The following LACTB variants were observed in gnomAD, a reference collection of about 807,000 sequenced individuals.
The protein encoded by LACTB is lactamase beta, also known as serine beta-lactamase-like protein LACTB, mitochondrial.
LACTB carries 35 observed loss-of-function variants against 50.2 expected under a neutral mutation model. The ratio of observed to expected loss-of-function variants is 0.70; its 90% CI spans 0.53 to 0.92. The LOEUF (loss-of-function observed/expected upper bound fraction) is 0.92, where lower values mean the gene tolerates loss of function less well. Ranked by LOEUF, LACTB falls within the 40% of genes least tolerant of loss-of-function variation. LACTB has a pLI of 0.00. For missense variants in LACTB, 664 were observed against 691.8 expected, an observed-to-expected ratio of 0.96 and a Z score of 0.45; for synonymous variants, 252 against 268.2, an observed-to-expected ratio of 0.94 and a Z score of 0.59.
In LACTB at chr15:63,141,459, G is replaced by A. The variant is rs777253275; in HGVS notation, c.1298G>A (p.Gly433Glu). The change falls in exon 6 of 6, where the codon GGA becomes GAA. Residue 433 changes from glycine to glutamate, a missense_variant. Coordinates refer to ENST00000261893, the MANE Select transcript of LACTB (RefSeq NM_032857.5). ...FKNSNENLLP[G>E]YLKPETMVMM... Reference sequence around the variant, plus strand: ...AACTCAAATGAAAATCTTTTACCTGGATACCTCAAACCAGAAACAATGGTT... The same window carrying A: ...AACTCAAATGAAAATCTTTTACCTGAATACCTCAAACCAGAAACAATGGTT... 6.2e-7 allele frequency: 1 copy of A among 1,614,148 alleles called. No homozygotes were observed. The highest frequency in any genetic ancestry group is 8.5e-7 in the Non-Finnish European group (1 of 1,180,034).
chr15:63,135,948 T>TA lies in LACTB; in HGVS notation c.1119-5331dup, dbSNP rs538488182. On this transcript the variant is annotated intron_variant, in intron 5 of 5. Transcript: ENST00000261893. The stretch of plus-strand genomic sequence containing the variant: ...GTGAATGTGCAGACTGCAGAGCAGC[T>TA]ATTATTTCCTGTTTTCTTGATGAGT... Among the ~76,000 whole-genome samples, 348 of 152,332 alleles carry TA rather than the reference T, an allele frequency of 2.3e-3. 2 individuals carry two copies. The highest frequency in any genetic ancestry group is 8.1e-3 in the African/African-American group (338 of 41,578).
In LACTB at chr15:63,121,972, C is replaced by T. The variant is rs779768860; in HGVS notation, c.101C>T (p.Pro34Leu). 4 of 1,372,298 alleles carry T rather than the reference C, an allele frequency of 2.9e-6. 1 individual carries two copies. The highest frequency in any genetic ancestry group is 3.7e-6 in the Non-Finnish European group (4 of 1,071,308). 85.0% of individuals were successfully genotyped at this position (1,372,298 alleles called of 1,614,324 possible). ...RRGVHQRAGL[P>L]PLGHGWVGGL... Reference sequence around the variant, plus strand: ...GGGGTCCATCAGCGCGCCGGGCTGCCGCCTCTCGGCCACGGCTGGGTCGGG... The same window carrying T: ...GGGGTCCATCAGCGCGCCGGGCTGCTGCCTCTCGGCCACGGCTGGGTCGGG... Residue 34 changes from proline to leucine, a missense_variant, in exon 1 of 6, where the codon CCG becomes CTG. Physicochemically the swap from Pro to Leu is moderately conservative, Grantham distance 98. Transcript: ENST00000261893.
intron 5 of LACTB, chr15:63,130,515 G>GAAAAAAAAAAAAAAAAAAAAAAAAA (rs34509023): frequency 3.3e-5 from 3 of 90,850 alleles, no homozygotes; most frequent in African/African-American, 3.7e-5. Context: ...GTCAAAAAAG[G>GAAAAAAAAAAAAAAAAAAAAAAAAA]AAAAAAAAAA....
intron 1 of LACTB, 27 bp from the exon 2 acceptor site, chr15:63,122,609 T>A (rs770507752): frequency 6.3e-7 from 1 of 1,585,516 alleles, no homozygotes; most frequent in Non-Finnish European, 8.7e-7. Context: ...GGCCCGTAAC[T>A]GTCGGTTCTT....
At position 63,122,156 on chromosome 15, in the gene LACTB, C is replaced by G. The variant is rs754428669; in HGVS notation, c.285C>G (p.Thr95=). 1.3e-6 allele frequency: 2 copies of G among 1,514,706 alleles called. No homozygotes were observed. The highest frequency in any genetic ancestry group is 2.4e-5 in the South Asian group (2 of 82,646). The allele number at this position is 1,514,706 out of a possible 1,614,324, so 93.8% of individuals were successfully genotyped here. The change falls in exon 1 of 6, where the codon ACC becomes ACG. Residue 95 remains threonine, a synonymous_variant. Coordinates refer to ENST00000261893, the MANE Select transcript of LACTB (RefSeq NM_032857.5). ...EQSLAPWSPQ[T]PAPPCSRCFA... ...CCCTCGCCCCGTGGTCTCCGCAGAC[C>G]CCGGCGCCGCCCTGCTCCAGGTGCT...
In LACTB at chr15:63,122,052, A is replaced by G. The variant is rs1455519051; in HGVS notation, c.181A>G (p.Arg61Gly). ...ALGVKLAGGL[R>G]GAAPAQSPAA... Reference sequence around the variant, plus strand: ...CGGGGTGAAGCTGGCAGGTGGGCTGAGGGGCGCGGCCCCGGCGCAGTCCCC... The same window carrying G: ...CGGGGTGAAGCTGGCAGGTGGGCTGGGGGGCGCGGCCCCGGCGCAGTCCCC... The change falls in exon 1 of 6, where the codon AGG (arginine) becomes GGG (glycine). Residue 61 changes from arginine (R) to glycine (G), a missense_variant. By Grantham distance (125) the Arg-to-Gly change is moderately radical. Coordinates refer to ENST00000261893, the MANE Select transcript of LACTB (RefSeq NM_032857.5). The G allele has an allele frequency of 1.4e-6, 2 of 1,427,302 alleles. No individual in the cohort carries two copies. The highest frequency in any genetic ancestry group is 3.0e-5 in the East Asian group (1 of 33,096). The allele number at this position is 1,427,302 out of a possible 1,614,324, so 88.4% of individuals were successfully genotyped here. A position where few individuals can be genotyped will look rare whatever the true frequency, so the allele number is the denominator to read the frequency against.
chr15:63,122,631 C>G lies in LACTB; in HGVS notation c.358-5C>G, dbSNP rs1354058198. On this transcript the variant is annotated splice_polypyrimidine_tract_variant and splice_region_variant and intron_variant, in intron 1 of 5. Coordinates refer to ENST00000261893, the MANE Select transcript of LACTB (RefSeq NM_032857.5). ...AACTGTCGGTTCTTTCCCCTTCGGT[C>G]TTAGGATGAGGTGGGCGCACCGGGC... 2 of 1,611,836 alleles carry G rather than the reference C, an allele frequency of 1.2e-6. No homozygotes were observed. Among genetic ancestry groups the G allele is most frequent in the East Asian group, 2.2e-5 (1 of 44,860 alleles).
intron 5 of LACTB, among the ~76,000 whole-genome samples, chr15:63,133,319 A>G (rs888656343): frequency 6.6e-6 from 1 of 152,162 alleles, no homozygotes; most frequent in Non-Finnish European, 1.5e-5. Flanking sequence ...ACTAATTTAC[A>G]TAATCTAAAA....
chr15:63,127,728 C>T, intron 4 of LACTB, 39 bp downstream of exon 4: 1 of 1,328,662 alleles, frequency 7.5e-7, no homozygotes, highest in South Asian at 1.4e-5. Flanking sequence ...ATCATCATTA[C>T]TGAAATGTTA....
rs2037073764 is a variant in LACTB at position 63,127,771 on chromosome 15, A to G, written c.952+82A>G. ...GGAAATCCAAAATGATACCATCCGG[A>G]GTGCATTCATTGAGGTTGATGATTG... On this transcript the variant is annotated intron_variant, in intron 4 of 5. Transcript: ENST00000261893. 38 of 959,204 alleles carry G rather than the reference A, an allele frequency of 4.0e-5. No homozygotes were observed. The South Asian group carries it at 5.4e-4, about 14-fold the overall frequency. 59.4% of individuals were successfully genotyped at this position (959,204 alleles called of 1,614,324 possible).
In LACTB at chr15:63,141,869, A is replaced by C; in HGVS notation, c.*64A>C. ...GGTTTTTTTGAAACATTAAAGTTCC[A>C]AAACATGACATTTTTAAGAATAAAT... is the stretch of plus-strand genomic sequence containing the variant. On this transcript the variant is annotated 3_prime_UTR_variant, in exon 6 of 6. Transcript: ENST00000261893. 7.5e-7 allele frequency: 1 copy of C among 1,339,746 alleles called. No individual in the cohort carries two copies. Among genetic ancestry groups the C allele is most frequent in the Non-Finnish European group, 1.0e-6 (1 of 978,410 alleles). The allele number at this position is 1,339,746 out of a possible 1,614,324, so 83.0% of individuals were successfully genotyped here.
Position 63,129,666 on chromosome 15 carries a change from C to A in LACTB, c.1118+16C>A. 1 of 1,569,630 alleles carries A rather than the reference C, an allele frequency of 6.4e-7. No homozygotes were observed. The highest frequency in any genetic ancestry group is 8.6e-7 in the Non-Finnish European group (1 of 1,156,734). ...ATAGAGCAAGGTAAATGAATACCTTCTGCTGTGTCTAGCTATATCGCATCT... is the reference window on the plus strand; with the variant it reads ...ATAGAGCAAGGTAAATGAATACCTTATGCTGTGTCTAGCTATATCGCATCT... On this transcript the variant is annotated intron_variant, in intron 5 of 5. Transcript: ENST00000261893.
chr15:63,122,095 A>G lies in LACTB; in HGVS notation c.224A>G (p.Glu75Gly). 1 of 1,469,810 alleles carries G rather than the reference A, an allele frequency of 6.8e-7. No individual in the cohort carries two copies. The highest frequency in any genetic ancestry group is 8.9e-7 in the Non-Finnish European group (1 of 1,118,920). 91.0% of individuals were successfully genotyped at this position (1,469,810 alleles called of 1,614,324 possible). A position where few individuals can be genotyped will look rare whatever the true frequency, so the allele number is the denominator to read the frequency against. ...CAGTCCCCCGCGGCCCCCGACCCTG[A>G]GGCGTCGCCTCTGGCCGAGCCGCCA... ...PAQSPAAPDP[E>G]ASPLAEPPQE... The change falls in exon 1 of 6, where the codon GAG becomes GGG. Residue 75 changes from glutamate to glycine, a missense_variant. Glu to Gly is a moderately conservative substitution (Grantham distance 98). Transcript: ENST00000261893.
chr15:63,133,276 T>G (rs944716959), intron 5 of LACTB, among the ~76,000 whole-genome samples: 1 of 152,250 alleles, frequency 6.6e-6, no homozygotes, highest in Non-Finnish European at 1.5e-5. Context: ...CTTTCTCTTA[T>G]GGAGACATTT....
chr15:63,134,874 C>T (rs551597426), intron 5 of LACTB, among the ~76,000 whole-genome samples: 1 of 151,232 alleles, frequency 6.6e-6, no homozygotes, highest in South Asian at 2.1e-4. Context: ...ATATTCCTCA[C>T]TGTGGGTTGA....
At position 63,121,950 on chromosome 15, in the gene LACTB, G is replaced by T; in HGVS notation, c.79G>T (p.Val27Phe). 1 of 1,398,474 alleles carries T rather than the reference G, an allele frequency of 7.2e-7. No individual in the cohort carries two copies. Among genetic ancestry groups the T allele is most frequent in the Non-Finnish European group, 9.2e-7 (1 of 1,084,928 alleles). 86.6% of individuals were successfully genotyped at this position (1,398,474 alleles called of 1,614,324 possible). A position where few individuals can be genotyped will look rare whatever the true frequency, so the allele number is the denominator to read the frequency against. ...GGCCTCAAGCTGCGGACGACGCGGG[G>T]TCCATCAGCGCGCCGGGCTGCCGCC... ...GLASSCGRRG[V>F]HQRAGLPPLG... Residue 27 changes from valine (V) to phenylalanine (F), a missense_variant, in exon 1 of 6, where the codon GTC becomes TTC. By Grantham distance (50) the Val-to-Phe change is conservative. Transcript: ENST00000261893.
At chr15:63,134,812 A>ATG (rs59941185) in intron 5 of LACTB, among the ~76,000 whole-genome samples, 57,420 of 148,456 alleles carry the variant, frequency 0.39, 12,091 homozygotes, top group Non-Finnish European at 0.5. Context: ...TGTGTGTGTG[A>ATG]TGTGTGTGTG....
At chr15:63,132,848 A>G (rs943954403) in intron 5 of LACTB, among the ~76,000 whole-genome samples, 2 of 152,176 alleles carry the variant, frequency 1.3e-5, no homozygotes, top group Non-Finnish European at 2.9e-5. Flanking sequence ...ATATATTATA[A>G]AAATACAAAG....
At chr15:63,135,744 T>C (rs1465641910) in intron 5 of LACTB, among the ~76,000 whole-genome samples, 2 of 152,148 alleles carry the variant, frequency 1.3e-5, no homozygotes, top group African/African-American at 2.4e-5. Context: ...TACCAGAAGT[T>C]GTCAGTTGAA....
Sources: allele counts gnomAD v4.1 joint callset (sites outside exome capture counted in the v4.1 genomes callset), GRCh38; gene constraint gnomAD v4.1.1; transcripts MANE v1.5; gene names NCBI Gene and HGNC (gene_info 2026-07-23, HGNC 2026-07-21).